Variants in ZNF37A observed in about 807,000 individuals in gnomAD.
The protein encoded by ZNF37A is zinc finger protein 37a (KOX 21).
A neutral mutation model predicts 12.3 loss-of-function variants in ZNF37A; 10 were observed. That is an observed-to-expected ratio of 0.82 (90% CI 0.50 to 1.38). The LOEUF is 1.38. ZNF37A is among the 40% of genes most tolerant of loss of function. The pLI is 0.00. For missense variants in ZNF37A, 580 were observed against 651.2 expected, an observed-to-expected ratio of 0.89 and a Z score of 1.19; for synonymous variants, 207 against 223.0, an observed-to-expected ratio of 0.93 and a Z score of 0.64.
In ZNF37A at chr10:38,117,651, G is replaced by A; in HGVS notation, c.500G>A (p.Gly167Asp). 1 of 1,613,894 alleles carries A rather than the reference G, an allele frequency of 6.2e-7. No individual in the cohort carries two copies. The highest frequency in any genetic ancestry group is 8.5e-7 in the Non-Finnish European group (1 of 1,179,956). The stretch of plus-strand genomic sequence containing the variant: ...TCACTCTTCCTTGTACATAAGAGAG[G>A]TTACACAGGACAGAAAACCTGCAAA... ...ENSLFLVHKR[G>D]YTGQKTCKYT... is the part of the protein sequence containing the mutation. The change falls in exon 8 of 8, where the codon GGT (glycine) becomes GAT (aspartate). Residue 167 changes from glycine (G) to aspartate (D), a missense_variant. Gly to Asp is a moderately conservative substitution (Grantham distance 94). Coordinates refer to ENST00000685332, the MANE Select transcript of ZNF37A (RefSeq NM_001324250.3).
At chr10:38,116,282 A>G (rs887782913) in intron 7 of ZNF37A, among the ~76,000 whole-genome samples, 3 of 152,206 alleles carry the variant, frequency 2.0e-5, no homozygotes, top group African/African-American at 7.2e-5. Context: ...GTTGAACAAA[A>G]ACAGAACTGC....
chr10:38,142,063 T>G (rs1399775792), intron 7 of ZNF37A: 1 of 152,250 alleles, frequency 6.6e-6, no homozygotes, highest in Non-Finnish European at 1.5e-5. Flanking sequence ...TGAGCTGAGG[T>G]TGCGCCACTA....
At chr10:38,137,124 T>C (rs2136080714) in intron 7 of ZNF37A, among the ~76,000 whole-genome samples, 1 of 152,358 alleles carries the variant, frequency 6.6e-6, no homozygotes, top group Admixed American at 6.5e-5. Flanking sequence ...AAGTCTGACA[T>C]ACTCATCCAG....
intron 7 of ZNF37A, among the ~76,000 whole-genome samples, chr10:38,135,464 T>G (rs182171873): frequency 6.6e-6 from 1 of 152,274 alleles, no homozygotes; most frequent in Non-Finnish European, 1.5e-5. Flanking sequence ...TCTTTATTCA[T>G]TGTGTGCTTA....
At chr10:38,134,130 C>T (rs1318379452) in intron 7 of ZNF37A, among the ~76,000 whole-genome samples, 3 of 152,196 alleles carry the variant, frequency 2.0e-5, no homozygotes, top group African/African-American at 7.2e-5. Context: ...TGGTTTTCAG[C>T]TCCATCAGAT....
At chr10:38,131,975 C>T (rs996010205) in intron 7 of ZNF37A, among the ~76,000 whole-genome samples, 2 of 152,026 alleles carry the variant, frequency 1.3e-5, no homozygotes, top group African/African-American at 4.8e-5. Context: ...CATCTTGTAC[C>T]CATAATCTTG....
Position 38,118,977 on chromosome 10 carries a change from G to A in ZNF37A, c.*140G>A. The A allele has an allele frequency of 1.5e-6, 2 of 1,338,466 alleles. No homozygotes were observed. The highest frequency in any genetic ancestry group is 2.3e-5 in the South Asian group (1 of 43,554). 82.9% of individuals were successfully genotyped at this position (1,338,466 alleles called of 1,614,324 possible). On this transcript the variant is annotated 3_prime_UTR_variant, in exon 8 of 8. Coordinates refer to ENST00000685332, the MANE Select transcript of ZNF37A (RefSeq NM_001324250.3). ...AGAGGGAAAAAACAATATGAAGATA[G>A]GGAATGCAGGAAAACATTATTCTGG... is the stretch of plus-strand genomic sequence containing the variant.
In ZNF37A at chr10:38,114,611, AAAC is replaced by A. The variant is rs1326668147; in HGVS notation, c.16-139_16-137del. 22 of 994,412 alleles carry A rather than the reference AAAC, an allele frequency of 2.2e-5. No homozygotes were observed. In the East Asian group the frequency reaches 5.5e-4, roughly 25 times the overall value. 61.6% of individuals were successfully genotyped at this position (994,412 alleles called of 1,614,324 possible). On this transcript the variant is annotated intron_variant, in intron 5 of 7. Transcript: ENST00000685332. ...TTTTTTACTCACAATATGTAACATA[AAAC>A]AACATATATCATAGGGGCCCTTTAT...
chr10:38,118,046 T>G lies in ZNF37A; in HGVS notation c.895T>G (p.Tyr299Asp), dbSNP rs1035368957. The G allele has an allele frequency of 6.2e-7, 1 of 1,614,048 alleles. No homozygotes were observed. ...HQRTHTGGKP[Y>D]ECHECGKTFY... is the part of the protein sequence containing the mutation. ...GAGAACACACACAGGGGGAAAACCC[T>G]ATGAATGTCATGAATGTGGGAAGAC... The change falls in exon 8 of 8, where the codon TAT (tyrosine) becomes GAT (aspartate). Residue 299 changes from tyrosine (Y) to aspartate (D), a missense_variant. Physicochemically the swap from Tyr to Asp is radical, Grantham distance 160 (BLOSUM62 -3). Transcript: ENST00000685332.
chr10:38,116,536 G>A (rs975807451), intron 7 of ZNF37A, among the ~76,000 whole-genome samples: 6 of 152,116 alleles, frequency 3.9e-5, no homozygotes, highest in Admixed American at 3.3e-4. Flanking sequence ...AACTTACCTA[G>A]AGCGAAATAT....
At chr10:38,126,106 C>T (rs1248356470), downstream of ZNF37A, among the ~76,000 whole-genome samples, 1 of 152,172 alleles carries the variant, frequency 6.6e-6, no homozygotes, top group Non-Finnish European at 1.5e-5. Context: ...CAGATTTAGG[C>T]AGGCAAAAAT....
intron 7 of ZNF37A, chr10:38,117,146 A>G (rs2069331004): frequency 1.0e-6 from 1 of 984,056 alleles, no homozygotes; most frequent in Middle Eastern, 5.2e-4. Flanking sequence ...AACAACCAAG[A>G]ACAACAAAAC....
At position 38,117,604 on chromosome 10, in the gene ZNF37A, T is replaced by C; in HGVS notation, c.453T>C (p.Cys151=). 3 of 1,613,842 alleles carry C rather than the reference T, an allele frequency of 1.9e-6. No homozygotes were observed. The highest frequency in any genetic ancestry group is 2.2e-5 in the South Asian group (2 of 91,026). ...AACAATCTTTTGAATACAATGAATG[T>C]GGGAAAGCTTTCCCTGAGAATTCAC... The part of the protein sequence containing the change: ...NWEQSFEYNE[C]GKAFPENSLF... The change falls in exon 8 of 8, where the codon TGT becomes TGC. Residue 151 remains cysteine (C), a synonymous_variant. Coordinates refer to ENST00000685332, the MANE Select transcript of ZNF37A (RefSeq NM_001324250.3).
chr10:38,113,205 ATTTTTTTTTTTT>A (rs71007697), intron 5 of ZNF37A, among the ~76,000 whole-genome samples: 3 of 75,834 alleles, frequency 4.0e-5, no homozygotes, highest in South Asian at 5.0e-4. Context: ...TTAGTCTGTG[ATTTTTTTTTTTT>A]TTTTTTTTTT....
Position 38,120,584 on chromosome 10 carries a change from G to A in ZNF37A, c.*1747G>A, listed in dbSNP as rs1474697128. 1 of 152,108 alleles carries A rather than the reference G, an allele frequency of 6.6e-6. No individual in the cohort carries two copies. The highest frequency in any genetic ancestry group is 1.9e-4 in the East Asian group (1 of 5,186). 9.4% of individuals were successfully genotyped at this position (152,108 alleles called of 1,614,324 possible). On this transcript the variant is annotated 3_prime_UTR_variant, in exon 8 of 8. Coordinates refer to ENST00000685332, the MANE Select transcript of ZNF37A (RefSeq NM_001324250.3). ...GGACTAAAGGGCAAAATTCTAGAGA[G>A]TGGTAAATCTCAGAAAGCACAAGCA... is the stretch of plus-strand genomic sequence containing the variant.
chr10:38,134,100 ATCACATAGT>A (rs1262496132), intron 7 of ZNF37A, among the ~76,000 whole-genome samples: 3 of 152,182 alleles, frequency 2.0e-5, no homozygotes, highest in Non-Finnish European at 4.4e-5. Context: ...TTGTGCATGC[ATCACATAGT>A]TCTCGTGCCA....
chr10:38,112,726 A>G (rs2068796121), intron 5 of ZNF37A, among the ~76,000 whole-genome samples: 1 of 64,772 alleles, frequency 1.5e-5, no homozygotes, highest in Non-Finnish European at 3.3e-5. Flanking sequence ...TGTATTTTAC[A>G]TCCATTTTCT....
chr10:38,098,886 G>GCCTTGTAATGAGTA, intron 5 of ZNF37A, among the ~76,000 whole-genome samples: 1 of 151,726 alleles, frequency 6.6e-6, no homozygotes, highest in Middle Eastern at 3.4e-3. Flanking sequence ...TTTTGACTGT[G>GCCTTGTAATGAGTA]CACAACTAAT....
intron 7 of ZNF37A, among the ~76,000 whole-genome samples, chr10:38,133,018 C>CCTTTATCTCTTTTAAA (rs1267466777): frequency 4.0e-5 from 6 of 151,850 alleles, no homozygotes; most frequent in Admixed American, 3.3e-4. Flanking sequence ...GATATAGTCT[C>CCTTTATCTCTTTTAAA]CTTTATCTCT....
Sources: gnomAD v4.1 joint callset for allele counts (sites outside exome capture counted in the v4.1 genomes callset) on GRCh38, gnomAD v4.1.1 for gene constraint, MANE v1.5 for transcripts, NCBI Gene and HGNC (gene_info 2026-07-23, HGNC 2026-07-21) for gene names.